Variants in PCDH15 observed in about 807,000 individuals in gnomAD.
PCDH15 encodes the protein protocadherin related 15, also known as protocadherin-15.
A neutral mutation model predicts 178.5 loss-of-function variants in PCDH15; 129 were observed. The ratio of observed to expected loss-of-function variants is 0.72; its 90% CI spans 0.63 to 0.84. PCDH15 has a LOEUF of 0.84. Among genes scored for constraint, PCDH15 ranks in the 40% least tolerant of loss-of-function variants. PCDH15 has a pLI of 0.00. For synonymous variants in PCDH15, 800 were observed against 732.0 expected, an observed-to-expected ratio of 1.09 and a Z score of -1.50; for missense variants, 2,230 against 2,099.9, an observed-to-expected ratio of 1.06 and a Z score of -1.21.
intron 2 of PCDH15, among the ~76,000 whole-genome samples, chr10:55,625,320 A>T (rs1837503305): frequency 6.6e-6 from 1 of 152,174 alleles, no homozygotes; most frequent in Non-Finnish European, 1.5e-5. Context: ...TGATAGAAGA[A>T]AACAAGAAAA....
chr10:54,861,642 A>C (rs1259891580), intron 3 of PCDH15, among the ~76,000 whole-genome samples: 2 of 152,202 alleles, frequency 1.3e-5, no homozygotes, highest in African/African-American at 4.8e-5. Flanking sequence ...TGAACAACAC[A>C]AAGATTCCCA....
intron 2 of PCDH15, among the ~76,000 whole-genome samples, chr10:54,976,101 C>A (rs1398600956): frequency 6.6e-6 from 1 of 151,944 alleles, no homozygotes; most frequent in Non-Finnish European, 1.5e-5. Context: ...ATTATCTTTT[C>A]AAAATTATGA....
chr10:54,988,291 T>C (rs939994345), intron 2 of PCDH15, among the ~76,000 whole-genome samples: 3 of 152,156 alleles, frequency 2.0e-5, no homozygotes, highest in African/African-American at 7.2e-5. Flanking sequence ...TAGTATAGTT[T>C]GAAGTCAGGT....
chr10:54,687,275 T>G (rs767841593), intron 1 of PCDH15, among the ~76,000 whole-genome samples: 17 of 152,054 alleles, frequency 1.1e-4, no homozygotes, highest in Non-Finnish European at 2.5e-4. Context: ...AAAATGGAAC[T>G]ACCATATGAT....
chr10:54,315,894 T>C (rs2061229096), intron 8 of PCDH15, among the ~76,000 whole-genome samples: 1 of 152,078 alleles, frequency 6.6e-6, no homozygotes, highest in South Asian at 2.1e-4. Flanking sequence ...TCCTTTCAAG[T>C]AAAATTTTTA....
chr10:54,301,459 C>G (rs1203344065), intron 8 of PCDH15, among the ~76,000 whole-genome samples: 1 of 152,088 alleles, frequency 6.6e-6, no homozygotes, highest in Non-Finnish European at 1.5e-5. Flanking sequence ...AACAAACTCT[C>G]AGGTAAATTT....
intron 2 of PCDH15, among the ~76,000 whole-genome samples, chr10:54,612,391 G>T (rs2092991634): frequency 6.6e-6 from 1 of 151,638 alleles, no homozygotes; most frequent in African/African-American, 2.4e-5. Flanking sequence ...AAGATAAAAG[G>T]ATCACCAACA....
intron 1 of PCDH15, among the ~76,000 whole-genome samples, chr10:54,718,153 C>T (rs892280969): frequency 2.0e-5 from 3 of 149,316 alleles, no homozygotes; most frequent in Non-Finnish European, 3.0e-5. Context: ...GGAGATATAC[C>T]TAATGCTAGG....
At chr10:55,043,031 T>C (rs1283992727) in intron 2 of PCDH15, among the ~76,000 whole-genome samples, 1 of 152,156 alleles carries the variant, frequency 6.6e-6, no homozygotes, top group Non-Finnish European at 1.5e-5. Context: ...TCATTCATTT[T>C]CATGACTTTG....
intron 13 of PCDH15, among the ~76,000 whole-genome samples, chr10:54,165,741 T>C (rs2046158580): frequency 6.6e-6 from 1 of 152,298 alleles, no homozygotes; most frequent in East Asian, 1.9e-4. Flanking sequence ...TTGTATACAA[T>C]GCCAAATCTA....
intron 2 of PCDH15, among the ~76,000 whole-genome samples, chr10:54,623,852 A>T (rs1000291281): frequency 3.9e-5 from 6 of 152,236 alleles, no homozygotes; most frequent in African/African-American, 1.4e-4. Context: ...ACTAGGATCC[A>T]TTAGCTACTC....
chr10:54,952,656 T>C (rs1175133663), intron 2 of PCDH15, among the ~76,000 whole-genome samples: 1 of 151,834 alleles, frequency 6.6e-6, no homozygotes, highest in Admixed American at 6.6e-5. Flanking sequence ...TATTTAGATA[T>C]ATCTGATGCA....
At chr10:54,984,463 A>G (rs372523979) in intron 2 of PCDH15, among the ~76,000 whole-genome samples, 36 of 152,298 alleles carry the variant, frequency 2.4e-4, no homozygotes, top group East Asian at 1.4e-3. Flanking sequence ...TGTGTTTCTC[A>G]GTCTGTTACC....
intron 3 of PCDH15, among the ~76,000 whole-genome samples, chr10:54,855,464 A>T (rs10825408): frequency 0.19 from 29,229 of 152,056 alleles, 2,946 homozygotes; most frequent in Non-Finnish European, 0.22. Context: ...TTTAGAGTAA[A>T]AGATTATGGA....
rs904828819 is a variant in PCDH15, at chr10:53,807,018, A to C, written c.4784T>G (p.Ile1595Ser). Residue 1595 changes from isoleucine to serine, a missense_variant, in exon 38 of 38, where the codon ATC (isoleucine) becomes AGC (serine). Physicochemically the swap from Ile to Ser is moderately radical, Grantham distance 142. Transcript: ENST00000644397. The part of the protein sequence containing the change: ...CQRNRLHHPS[I>S]HSNINGNIYI... ...TATATTGCCGTTGATATTACTGTGG[A>C]TACTAGGATGGTGAAGACGGTTTCT... is the stretch of plus-strand genomic sequence containing the variant. 5 of 1,613,576 alleles carry C rather than the reference A, an allele frequency of 3.1e-6. No individual in the cohort carries two copies. The African/African-American group carries it at 6.7e-5, about 22-fold the overall frequency.
chr10:55,414,166 C>A (rs1033729608), intron 2 of PCDH15, among the ~76,000 whole-genome samples: 1 of 151,530 alleles, frequency 6.6e-6, no homozygotes, highest in African/African-American at 2.4e-5. Context: ...TATCTTGCCT[C>A]ATTAAAAGTG....
At position 54,316,365 on chromosome 10, in the gene PCDH15, T is replaced by C. The variant is rs541195450; in HGVS notation, c.876+906A>G. Among the ~76,000 whole-genome samples, 252 of 152,244 alleles carry C rather than the reference T, an allele frequency of 1.7e-3. 1 individual carries two copies. Among genetic ancestry groups the C allele is most frequent in the African/African-American group, 5.9e-3 (245 of 41,558 alleles). On this transcript the variant is annotated intron_variant, in intron 8 of 37. Transcript: ENST00000644397. ...TAGAGGACCCTCAGAACTTCAGTTC[T>C]CATGTATTTTGAGGAAAAAAAGTCA...
chr10:54,430,125 G>A (rs953200705), intron 3 of PCDH15, among the ~76,000 whole-genome samples: 9 of 145,710 alleles, frequency 6.2e-5, no homozygotes, highest in Admixed American at 3.5e-4. Flanking sequence ...GTGTGATCTC[G>A]GCTCACTGCA....
chr10:55,029,310 T>C (rs1464779468), intron 2 of PCDH15, among the ~76,000 whole-genome samples: 2 of 152,038 alleles, frequency 1.3e-5, no homozygotes, highest in Non-Finnish European at 2.9e-5. Context: ...TATGTGTGTA[T>C]AATATACATA....
Sources: allele counts gnomAD v4.1 joint callset (sites outside exome capture counted in the v4.1 genomes callset), GRCh38; gene constraint gnomAD v4.1.1; transcripts MANE v1.5; gene names NCBI Gene and HGNC (gene_info 2026-07-23, HGNC 2026-07-21).